The following NEK3 variants were observed in gnomAD, a reference collection of about 807,000 sequenced individuals.
The protein encoded by NEK3 is serine/threonine-protein kinase Nek3.
A neutral mutation model predicts 66.0 loss-of-function variants in NEK3; 54 were observed. The ratio of observed to expected loss-of-function variants is 0.82; its 90% CI spans 0.66 to 1.03. The LOEUF is 1.03. NEK3 is among the 50% of genes least tolerant of loss of function. NEK3 has a pLI of 0.00. For synonymous variants in NEK3, 200 were observed against 206.2 expected (o/e 0.97, Z 0.26); for missense variants, 593 against 603.0 (o/e 0.98, Z 0.17).
In NEK3 at chr13:52,152,681, C is replaced by A; in HGVS notation, c.321G>T (p.Trp107Cys). Residue 107 changes from tryptophan (W) to cysteine (C), a missense_variant, in exon 5 of 16, where the codon TGG (tryptophan) becomes TGT (cysteine). Trp to Cys is a radical substitution (Grantham distance 215). Transcript: ENST00000610828. ...KLFPEDMILN[W>C]FTQMCLGVNH... is the part of the protein sequence containing the mutation. ...TTACTCCAAGGCACATTTGGGTAAA[C>A]CAATTAAGTATCTGTAAGAAAAAGG... The A allele has an allele frequency of 6.2e-7, 1 of 1,607,246 alleles. No individual in the cohort carries two copies. The highest frequency in any genetic ancestry group is 8.5e-7 in the Non-Finnish European group (1 of 1,176,050).
chr13:52,151,525 C>T, intron 5 of NEK3, 133 bp from the exon 6 acceptor site: 1 of 728,004 alleles, frequency 1.4e-6, no homozygotes. Flanking sequence ...GAGTGGAACA[C>T]AAAACACCAA....
At chr13:52,148,531 A>G (rs1956313173) in intron 7 of NEK3, 62 bp from the exon 8 acceptor site, 1 of 1,421,812 alleles carries the variant, frequency 7.0e-7, no homozygotes, top group East Asian at 2.3e-5. Flanking sequence ...TACAAAAAAT[A>G]ATTTCTTACC....
Position 52,156,180 on chromosome 13 carries a change from G to A in NEK3, c.12C>T (p.Tyr4=). 1 of 1,595,528 alleles carries A rather than the reference G, an allele frequency of 6.3e-7. No individual in the cohort carries two copies. Among genetic ancestry groups the A allele is most frequent in the Non-Finnish European group, 8.5e-7 (1 of 1,170,130 alleles). MDD[Y]MVLRMIGEGS... ...CCTCCCCAATCATTCTCAGGACCAT[G>A]TAGTCATCCATGCTGGGGCATCCAC... Residue 4 remains tyrosine, a synonymous_variant, in exon 2 of 16, where the codon TAC becomes TAT. Coordinates refer to ENST00000610828, the MANE Select transcript of NEK3 (RefSeq NM_002498.3).
chr13:52,159,533 G>A lies in NEK3; in HGVS notation c.-58+10C>T. 1 of 152,464 alleles carries A rather than the reference G, an allele frequency of 6.6e-6. No individual in the cohort carries two copies. The highest frequency in any genetic ancestry group is 1.5e-5 in the Non-Finnish European group (1 of 68,164). The allele number at this position is 152,464 out of a possible 1,614,324, so 9.4% of individuals were successfully genotyped here. ...TCTAGAGGCAGCCCGCCAGGGCGGG[G>A]ACCACTCACCCGCTTCCCCGGCGAC... On this transcript the variant is annotated intron_variant, in intron 1 of 15. Coordinates refer to ENST00000610828, the MANE Select transcript of NEK3 (RefSeq NM_002498.3).
chr13:52,150,449 CA>C lies in NEK3; in HGVS notation c.548+696del, dbSNP rs566197220. Among the ~76,000 whole-genome samples the C allele has an allele frequency of 6.2e-4, 95 of 152,086 alleles. 1 individual carries two copies. Among genetic ancestry groups the C allele is most frequent in the Admixed American group, 1.1e-3 (17 of 15,262 alleles). On this transcript the variant is annotated intron_variant, in intron 7 of 15. Coordinates refer to ENST00000610828, the MANE Select transcript of NEK3 (RefSeq NM_002498.3). ...TAAATTATATATAAAATATATCAAC[CA>C]GTTTTAGGGGGAAAAGTAAATGAAG...
At chr13:52,156,465 G>A in intron 1 of NEK3, 1 of 282,926 alleles carries the variant, frequency 3.5e-6, no homozygotes, top group Non-Finnish European at 6.8e-6. Context: ...ATAAATGCAG[G>A]GCATAAATTT....
intron 2 of NEK3, among the ~76,000 whole-genome samples, chr13:52,154,405 T>A (rs1166338357): frequency 6.6e-6 from 1 of 152,200 alleles, no homozygotes; most frequent in Non-Finnish European, 1.5e-5. Context: ...CTTTTTTCAT[T>A]CCTTACACAT....
intron 1 of NEK3, among the ~76,000 whole-genome samples, chr13:52,159,016 A>C (rs1351162072): frequency 6.6e-6 from 1 of 152,140 alleles, no homozygotes; most frequent in Non-Finnish European, 1.5e-5. Context: ...CCCGAGTTTC[A>C]GAAGCTCTTG....
At chr13:52,140,962 G>GCAC (rs1182519842) in intron 11 of NEK3, 58 bp downstream of exon 11, 11 of 1,389,250 alleles carry the variant, frequency 7.9e-6, no homozygotes, top group Non-Finnish European at 9.9e-6. Flanking sequence ...TTACAGGCTT[G>GCAC]CACCACCACG....
rs751895787 is a variant in NEK3 at position 52,144,860 on chromosome 13, A to C, written c.635T>G (p.Leu212Arg). Residue 212 changes from leucine to arginine, a missense_variant, in exon 9 of 16, where the codon CTC becomes CGC. Physicochemically the swap from Leu to Arg is moderately radical, Grantham distance 102. Coordinates refer to ENST00000610828, the MANE Select transcript of NEK3 (RefSeq NM_002498.3). ...ACTGATGCACCCTTGACATACTTTG[A>C]GGATAAGATTTTTCCAACTATTTGC... ...FQANSWKNLILKVCQGCISPL... is the reference protein window; with the variant it reads ...FQANSWKNLIRKVCQGCISPL... 6.2e-7 allele frequency: 1 copy of C among 1,609,616 alleles called. No homozygotes were observed. Among genetic ancestry groups the C allele is most frequent in the South Asian group, 1.1e-5 (1 of 90,128 alleles).
At chr13:52,148,387 C>A (rs1204376422) in intron 8 of NEK3, 28 bp downstream of exon 8, 2 of 1,609,112 alleles carry the variant, frequency 1.2e-6, no homozygotes, top group Non-Finnish European at 1.7e-6. Flanking sequence ...TGACAAGCTG[C>A]CTTTTCCATT....
At chr13:52,133,879 G>C in intron 14 of NEK3, 64 bp from the exon 15 acceptor site, 16 of 1,500,216 alleles carry the variant, frequency 1.1e-5, no homozygotes, top group Non-Finnish European at 1.4e-5. Context: ...CATGCAGTTT[G>C]ATTAAAATCC....
chr13:52,148,377 T>G lies in NEK3; in HGVS notation c.603+38A>C, dbSNP rs79896964. On this transcript the variant is annotated intron_variant, in intron 8 of 15. Coordinates refer to ENST00000610828, the MANE Select transcript of NEK3 (RefSeq NM_002498.3). ...CACATTATTAGGGCTCAGCTAGATA[T>G]GACAAGCTGCCTTTTCCATTTTGCA... 5 of 1,598,436 alleles carry G rather than the reference T, an allele frequency of 3.1e-6. No individual in the cohort carries two copies. The Admixed American group carries it at 8.4e-5, about 27-fold the overall frequency.
intron 10 of NEK3, among the ~76,000 whole-genome samples, chr13:52,142,032 A>G (rs1956254982): frequency 1.3e-5 from 2 of 151,864 alleles, no homozygotes; most frequent in Admixed American, 1.3e-4. Flanking sequence ...GGTTGCAGTG[A>G]GTTGAGACTG....
chr13:52,142,509 C>A (rs1956260315), intron 10 of NEK3, among the ~76,000 whole-genome samples: 1 of 152,168 alleles, frequency 6.6e-6, no homozygotes, highest in Admixed American at 6.5e-5. Context: ...ATCTCCTGAC[C>A]TCATGATCTA....
chr13:52,151,653 T>C (rs1387417671), intron 5 of NEK3, among the ~76,000 whole-genome samples: 2 of 152,208 alleles, frequency 1.3e-5, no homozygotes, highest in Non-Finnish European at 2.9e-5. Flanking sequence ...TGAGAACCTG[T>C]GTCAGGGTGA....
In NEK3 at chr13:52,133,059, G is replaced by T; in HGVS notation, c.*83C>A. 1 of 1,059,750 alleles carries T rather than the reference G, an allele frequency of 9.4e-7. No homozygotes were observed. Among genetic ancestry groups the T allele is most frequent in the Non-Finnish European group, 1.4e-6 (1 of 702,728 alleles). 65.6% of individuals were successfully genotyped at this position (1,059,750 alleles called of 1,614,324 possible). On this transcript the variant is annotated 3_prime_UTR_variant, in exon 16 of 16. Coordinates refer to ENST00000610828, the MANE Select transcript of NEK3 (RefSeq NM_002498.3). ...ATTCTGTTTCCAAAGGAAAATATACGTCGCATGAACTCATGATCATCTCAG... is the reference window on the plus strand; with the variant it reads ...ATTCTGTTTCCAAAGGAAAATATACTTCGCATGAACTCATGATCATCTCAG...
At chr13:52,153,311 T>A (rs1015013037) in intron 4 of NEK3, among the ~76,000 whole-genome samples, 4 of 152,192 alleles carry the variant, frequency 2.6e-5, no homozygotes, top group African/African-American at 9.6e-5. Flanking sequence ...AGTTTCTAAA[T>A]GAATAATATT....
At chr13:52,144,243 G>A (rs890855674) in intron 9 of NEK3, among the ~76,000 whole-genome samples, 5 of 152,042 alleles carry the variant, frequency 3.3e-5, no homozygotes, top group Non-Finnish European at 5.9e-5. Context: ...GTGAAACCCC[G>A]TCTCTACTAA....
Sources: gnomAD v4.1 joint callset for allele counts (sites outside exome capture counted in the v4.1 genomes callset) on GRCh38, gnomAD v4.1.1 for gene constraint, MANE v1.5 for transcripts, NCBI Gene and HGNC (gene_info 2026-07-23, HGNC 2026-07-21) for gene names.